The following EPB41L3 variants were observed in gnomAD, a reference collection of about 807,000 sequenced individuals.
The protein encoded by EPB41L3 is erythrocyte membrane protein band 4.1 like 3.
Under a neutral mutation model 127.1 loss-of-function variants are expected in EPB41L3, and 57 were observed. That is an observed-to-expected ratio of 0.45 (90% CI 0.36 to 0.56). The LOEUF (loss-of-function observed/expected upper bound fraction) is 0.56. Among genes scored for constraint, EPB41L3 ranks in the 20% least tolerant of loss-of-function variants. EPB41L3 has a pLI of 0.00. For synonymous variants in EPB41L3, 572 were observed against 549.5 expected (o/e 1.04, Z -0.57); for missense variants, 1,273 against 1,372.2 (o/e 0.93, Z 1.14).
intron 3 of EPB41L3, chr18:5,570,940 G>T (rs1568589992): frequency 6.6e-6 from 1 of 152,180 alleles, no homozygotes; most frequent in Non-Finnish European, 1.5e-5. Flanking sequence ...AGTTTTCATT[G>T]TATCAAATGT....
At chr18:5,474,225 T>C (rs1461924357) in intron 3 of EPB41L3, among the ~76,000 whole-genome samples, 2 of 150,702 alleles carry the variant, frequency 1.3e-5, no homozygotes, top group Non-Finnish European at 3.0e-5. Context: ...AGTCAGACTC[T>C]GTCTAAAAAA....
At chr18:5,530,009 A>G (rs1275755831) in intron 1 of EPB41L3, among the ~76,000 whole-genome samples, 1 of 150,706 alleles carries the variant, frequency 6.6e-6, no homozygotes, top group Non-Finnish European at 1.5e-5. Flanking sequence ...CTCACCTCCC[A>G]CCATACCCAA....
At chr18:5,528,347 A>T (rs2093303619) in intron 1 of EPB41L3, among the ~76,000 whole-genome samples, 2 of 151,358 alleles carry the variant, frequency 1.3e-5, no homozygotes, top group African/African-American at 2.4e-5. Context: ...AATTTTTTTA[A>T]AAAATTTTTG....
chr18:5,474,271 C>T (rs1027540209), intron 3 of EPB41L3, among the ~76,000 whole-genome samples: 3 of 151,882 alleles, frequency 2.0e-5, no homozygotes, highest in African/African-American at 4.8e-5. Flanking sequence ...GCACTGAACA[C>T]TACAATGATC....
At chr18:5,454,427 C>T (rs1051949201) in intron 3 of EPB41L3, among the ~76,000 whole-genome samples, 28 of 152,116 alleles carry the variant, frequency 1.8e-4, no homozygotes, top group South Asian at 2.1e-4. Context: ...TGCAATGCCA[C>T]GTTTAATAAG....
chr18:5,570,792 G>A (rs901120911), intron 3 of EPB41L3: 4 of 152,034 alleles, frequency 2.6e-5, no homozygotes, highest in African/African-American at 9.7e-5. Context: ...TACTCACACA[G>A]GTTTTATTTC....
In EPB41L3 at chr18:5,515,080, A is replaced by G. The variant is rs536222647; in HGVS notation, c.-11-25886T>C. ...TTTCACAAGTGTCTAAAACCAACAT[A>G]TGCTGGAGAGGACATTTTATTTTTA... On this transcript the variant is annotated intron_variant, in intron 1 of 22. Transcript: ENST00000341928. Among the ~76,000 whole-genome samples the G allele has an allele frequency of 2.6e-5, 4 of 152,326 alleles. No homozygotes were observed. In the East Asian group the frequency reaches 5.8e-4, roughly 22 times the overall value.
At chr18:5,574,188 G>A (rs180702648) in intron 3 of EPB41L3, among the ~76,000 whole-genome samples, 57 of 151,684 alleles carry the variant, frequency 3.8e-4, no homozygotes, top group South Asian at 2.1e-3. Context: ...ACTTTAATTC[G>A]CTAGTGATTA....
At position 5,392,649 on chromosome 18, in the gene EPB41L3, A is replaced by G. The variant is rs1404470854; in HGVS notation, c.*836T>C. ...TCAATTAAAAAATACACGGCACGGA[A>G]AAAGTAACTAAGAAAACAAAGCCAC... On this transcript the variant is annotated 3_prime_UTR_variant, in exon 23 of 23. Transcript: ENST00000341928. 1 of 152,638 alleles carries G rather than the reference A, an allele frequency of 6.6e-6. No individual in the cohort carries two copies. Among genetic ancestry groups the G allele is most frequent in the Admixed American group, 6.5e-5 (1 of 15,278 alleles). The allele number at this position is 152,638 out of a possible 1,614,324, so 9.5% of individuals were successfully genotyped here. A position where few individuals can be genotyped will look rare whatever the true frequency, so the allele number is the denominator to read the frequency against.
chr18:5,532,143 T>A (rs2093431518), intron 1 of EPB41L3, among the ~76,000 whole-genome samples: 1 of 152,118 alleles, frequency 6.6e-6, no homozygotes. Context: ...AAGAAAGACT[T>A]GGTAAAATGT....
intron 2 of EPB41L3, among the ~76,000 whole-genome samples, chr18:5,613,662 G>T (rs774053373): frequency 2.8e-4 from 42 of 152,116 alleles, no homozygotes; most frequent in Non-Finnish European, 5.3e-4. Flanking sequence ...TCTCCCATAA[G>T]CTTAGAGTAG....
intron 2 of EPB41L3, among the ~76,000 whole-genome samples, chr18:5,483,544 T>C (rs2089018843): frequency 6.6e-6 from 1 of 151,704 alleles, no homozygotes; most frequent in African/African-American, 2.4e-5. Flanking sequence ...AGTAGGTAAA[T>C]GGATATAAAA....
intron 3 of EPB41L3, among the ~76,000 whole-genome samples, chr18:5,573,301 T>C (rs2094302928): frequency 6.6e-6 from 1 of 152,206 alleles, no homozygotes; most frequent in African/African-American, 2.4e-5. Flanking sequence ...CTATATTTTC[T>C]ACCCACAGAA....
At chr18:5,422,508 C>T (rs1598741309) in intron 11 of EPB41L3, among the ~76,000 whole-genome samples, 1 of 152,142 alleles carries the variant, frequency 6.6e-6, no homozygotes, top group Admixed American at 6.5e-5. Context: ...ACCATACTTG[C>T]ATACCAGAAA....
In EPB41L3 at chr18:5,428,380, G is replaced by T; in HGVS notation, c.998C>A (p.Ala333Asp). ...TGAAATCTTTAGAACCTTGGGCCAG[G>T]CAAATCTGTTTATTCGCAGCCGGTC... ...YRDRLRINRF[A>D]WPKVLKISYK... Residue 333 changes from alanine (A) to aspartate (D), a missense_variant, in exon 9 of 23, where the codon GCC (alanine) becomes GAC (aspartate). By Grantham distance (126) the Ala-to-Asp change is moderately radical. This residue lies in a region of EPB41L3 where 326 missense variants were observed against 440.2 expected (regional missense o/e 0.74). Transcript: ENST00000341928. 6.2e-7 allele frequency: 1 copy of T among 1,614,108 alleles called. No individual in the cohort carries two copies. Among genetic ancestry groups the T allele is most frequent in the Non-Finnish European group, 8.5e-7 (1 of 1,180,032 alleles).
At chr18:5,588,317 C>T (rs1055981847) in intron 3 of EPB41L3, among the ~76,000 whole-genome samples, 8 of 152,036 alleles carry the variant, frequency 5.3e-5, no homozygotes, top group African/African-American at 1.9e-4. Flanking sequence ...ATTTTTTAAA[C>T]ATGCCCTTAA....
chr18:5,485,232 A>C (rs1034101701), intron 2 of EPB41L3, among the ~76,000 whole-genome samples: 3 of 152,144 alleles, frequency 2.0e-5, no homozygotes, highest in Non-Finnish European at 4.4e-5. Flanking sequence ...CATTAACAGA[A>C]TCAAGAACAA....
intron 1 of EPB41L3, among the ~76,000 whole-genome samples, chr18:5,536,113 A>G (rs1474265566): frequency 6.6e-6 from 1 of 152,164 alleles, no homozygotes; most frequent in Admixed American, 6.5e-5. Context: ...TCGCCCCTCT[A>G]TAAAGAGATG....
chr18:5,546,331 G>GAGGATC (rs1356223135), upstream of EPB41L3, among the ~76,000 whole-genome samples: 1 of 152,108 alleles, frequency 6.6e-6, no homozygotes, highest in African/African-American at 2.4e-5. Context: ...AGGAGTTCAA[G>GAGGATC]ACCAGCCTGG....
Sources: gnomAD v4.1 joint callset for allele counts (sites outside exome capture counted in the v4.1 genomes callset) on GRCh38, gnomAD v4.1.1 for gene constraint, gnomAD v4.1.1 regional missense constraint, MANE v1.5 for transcripts, NCBI Gene and HGNC (gene_info 2026-07-23, HGNC 2026-07-21) for gene names.